RAB8A: variants seen among roughly 807,000 people sequenced by gnomAD.
RAB8A encodes ras-related protein Rab-8A.
Under a neutral mutation model 29.2 loss-of-function variants are expected in RAB8A, and 5 were observed. The ratio of observed to expected loss-of-function variants is 0.17; its 90% CI spans 0.09 to 0.36. RAB8A has a LOEUF of 0.36. Among genes scored for constraint, RAB8A ranks in the 10% least tolerant of loss-of-function variants. RAB8A has a pLI of 1.00. For missense variants in RAB8A, 171 were observed against 272.2 expected, an observed-to-expected ratio of 0.63 and a Z score of 2.62; for synonymous variants, 108 against 99.9, an observed-to-expected ratio of 1.08 and a Z score of -0.49.
chr19:16,114,635 A>T (rs1754245470), intron 1 of RAB8A, among the ~76,000 whole-genome samples: 1 of 140,574 alleles, frequency 7.1e-6, no homozygotes, highest in South Asian at 2.2e-4. Flanking sequence ...GTGACCGCCC[A>T]CCTTGGCCTC....
chr19:16,127,945 C>A lies in RAB8A; in HGVS notation c.415-81C>A. The A allele has an allele frequency of 6.8e-7, 1 of 1,467,658 alleles. No homozygotes were observed. The allele number at this position is 1,467,658 out of a possible 1,614,324, so 90.9% of individuals were successfully genotyped here. ...TTGCTGCTCCCTCTTGGCGCCGGCC[C>A]TGCCTTCAGCTCCTGTTTTAGGCAA... On this transcript the variant is annotated intron_variant, in intron 5 of 7. Coordinates refer to ENST00000300935, the MANE Select transcript of RAB8A (RefSeq NM_005370.5). The surrounding 1 kb of genome is among the most constrained non-coding windows in gnomAD (Gnocchi z 4.8).
intron 3 of RAB8A, chr19:16,124,219 T>C (rs1287767672): frequency 6.6e-6 from 1 of 151,894 alleles, no homozygotes; most frequent in Non-Finnish European, 1.5e-5. Context: ...TTCGCCATGG[T>C]TGCGGCTGAC....
chr19:16,125,008 C>CGTA lies in RAB8A; in HGVS notation c.247-462_247-461insGTA. 5.8e-5 allele frequency: 11 copies of CGTA among 189,412 alleles called. No individual in the cohort carries two copies. The highest frequency in any genetic ancestry group is 3.1e-4 in the South Asian group (3 of 9,768). The allele number at this position is 189,412 out of a possible 1,614,324, so 11.7% of individuals were successfully genotyped here. On this transcript the variant is annotated intron_variant, in intron 3 of 7. Coordinates refer to ENST00000300935, the MANE Select transcript of RAB8A (RefSeq NM_005370.5). This position sits in a 1 kb window ranked among gnomAD's most constrained non-coding sequence, Gnocchi z 5.0. ...GGATGTCGGGTCAGGACTTCCTGGG[C>CGTA]TCAGTTGTGCCTGGTAGGTGGCTCA...
chr19:16,129,826 G>A lies in RAB8A; in HGVS notation c.531+222G>A, dbSNP rs543282620. On this transcript the variant is annotated intron_variant, in intron 7 of 7. Coordinates refer to ENST00000300935, the MANE Select transcript of RAB8A (RefSeq NM_005370.5). ...TGCCCAAGCAGACAAGGCCGTGCCC[G>A]GTGAATCCCCAGGCTAGCAGGGAGC... Among the ~76,000 whole-genome samples, 10 of 152,268 alleles carry A rather than the reference G, an allele frequency of 6.6e-5. No homozygotes were observed. The East Asian group carries it at 9.6e-4, about 15-fold the overall frequency.
Position 16,117,015 on chromosome 19 carries a change from G to A in RAB8A, c.125-1211G>A, listed in dbSNP as rs1406599178. Among the ~76,000 whole-genome samples, 7 of 152,088 alleles carry A rather than the reference G, an allele frequency of 4.6e-5. No individual in the cohort carries two copies. The South Asian group carries it at 8.3e-4, about 18-fold the overall frequency. ...CCTATGCTGGACATGTCTGTTAATG[G>A]AATCTCACACTAAGTGACCTTTAGT... On this transcript the variant is annotated intron_variant, in intron 1 of 7. Coordinates refer to ENST00000300935, the MANE Select transcript of RAB8A (RefSeq NM_005370.5).
chr19:16,129,498 G>C, intron 6 of RAB8A, 56 bp from the exon 7 acceptor site: 1 of 1,562,276 alleles, frequency 6.4e-7, no homozygotes, highest in Non-Finnish European at 8.8e-7. Flanking sequence ...GTACACGGGC[G>C]GCTGAGGACT....
At chr19:16,114,105 AAAAAT>A (rs1402231682) in intron 1 of RAB8A, among the ~76,000 whole-genome samples, 3 of 152,086 alleles carry the variant, frequency 2.0e-5, no homozygotes, top group East Asian at 1.9e-4. Context: ...CATCTCTACA[AAAAAT>A]AAAATAAAAT....
chr19:16,116,973 C>T lies in RAB8A; in HGVS notation c.125-1253C>T, dbSNP rs1353981621. Among the ~76,000 whole-genome samples the T allele has an allele frequency of 6.6e-5, 10 of 151,734 alleles. No homozygotes were observed. In the South Asian group the frequency reaches 1.0e-3, roughly 16 times the overall value. ...CCCCAGACAACTGCTAATCAGCTTT[C>T]TGTTTCTATGAATGAGCCTATGCTG... On this transcript the variant is annotated intron_variant, in intron 1 of 7. Transcript: ENST00000300935.
At chr19:16,119,142 C>A (rs1405032293) in intron 2 of RAB8A, among the ~76,000 whole-genome samples, 1 of 152,230 alleles carries the variant, frequency 6.6e-6, no homozygotes, top group African/African-American at 2.4e-5. Flanking sequence ...CGGTCACCCC[C>A]ACTTGCCAGT....
Position 16,125,003 on chromosome 19 carries a change from CTG to C in RAB8A, c.247-466_247-465del. ...TGTGTGGATGTCGGGTCAGGACTTC[CTG>C]GGCTCAGTTGTGCCTGGTAGGTGGC... On this transcript the variant is annotated intron_variant, in intron 3 of 7. Coordinates refer to ENST00000300935, the MANE Select transcript of RAB8A (RefSeq NM_005370.5). This position sits in a 1 kb window ranked among gnomAD's most constrained non-coding sequence, Gnocchi z 5.0. 8 of 179,798 alleles carry C rather than the reference CTG, an allele frequency of 4.4e-5. No homozygotes were observed. The highest frequency in any genetic ancestry group is 2.5e-4 in the South Asian group (2 of 8,134). 11.1% of individuals were successfully genotyped at this position (179,798 alleles called of 1,614,324 possible).
intron 1 of RAB8A, among the ~76,000 whole-genome samples, chr19:16,117,546 G>T (rs1242939211): frequency 1.3e-5 from 2 of 152,118 alleles, no homozygotes; most frequent in Non-Finnish European, 2.9e-5. Context: ...CATGGTTAGG[G>T]TTATATTTTT....
rs1414828073 is a variant in RAB8A at position 16,132,782 on chromosome 19, C to G, written c.*478C>G. On this transcript the variant is annotated 3_prime_UTR_variant, in exon 8 of 8. Coordinates refer to ENST00000300935, the MANE Select transcript of RAB8A (RefSeq NM_005370.5). This position sits in a 1 kb window ranked among gnomAD's most constrained non-coding sequence, Gnocchi z 5.6. ...GAGCAAGGCAACCGATCGCCAGGAC[C>G]AGGAAGCATCACCCAGGAGATTTGG... The G allele has an allele frequency of 6.3e-6, 1 of 158,740 alleles. No individual in the cohort carries two copies. Among genetic ancestry groups the G allele is most frequent in the African/African-American group, 2.4e-5 (1 of 41,518 alleles). 9.8% of individuals were successfully genotyped at this position (158,740 alleles called of 1,614,324 possible).
chr19:16,118,028 C>T (rs2090854530), intron 1 of RAB8A, among the ~76,000 whole-genome samples, 198 bp from the exon 2 acceptor site: 1 of 152,144 alleles, frequency 6.6e-6, no homozygotes, highest in Admixed American at 6.5e-5. Context: ...CTCTGCACTG[C>T]TCCCATCAGC....
intron 1 of RAB8A, among the ~76,000 whole-genome samples, chr19:16,113,559 G>A (rs1001867322): frequency 4.6e-5 from 7 of 151,976 alleles, no homozygotes; most frequent in East Asian, 3.9e-4. Context: ...CCGCCACCAC[G>A]TCCAGCTAAT....
chr19:16,118,024 A>C (rs528459496), intron 1 of RAB8A, among the ~76,000 whole-genome samples: 1 of 152,230 alleles, frequency 6.6e-6, no homozygotes, highest in South Asian at 2.1e-4. Context: ...TTTGCTCTGC[A>C]CTGCTCCCAT....
rs1340867807 is a variant in RAB8A, at chr19:16,115,146, TACGTGGTGGCGCTTGCCTGTATTCC to T, written c.125-3079_125-3055del. On this transcript the variant is annotated intron_variant, in intron 1 of 7. Coordinates refer to ENST00000300935, the MANE Select transcript of RAB8A (RefSeq NM_005370.5). Reference sequence around the variant, plus strand: ...TAAAGGTGATTCCATAAATTAGCCATACGTGGTGGCGCTTGCCTGTATTCCCAGCTACTCAGGAGGCTGAGGCAGG... The same window carrying T: ...TAAAGGTGATTCCATAAATTAGCCATCAGCTACTCAGGAGGCTGAGGCAGG... Among the ~76,000 whole-genome samples, 491 of 152,186 alleles carry T rather than the reference TACGTGGTGGCGCTTGCCTGTATTCC, an allele frequency of 3.2e-3. 3 individuals carry two copies. The highest frequency in any genetic ancestry group is 0.011 in the African/African-American group (475 of 41,526).
At position 16,127,670 on chromosome 19, in the gene RAB8A, C is replaced by A; in HGVS notation, c.414+144C>A. 1 of 666,650 alleles carries A rather than the reference C, an allele frequency of 1.5e-6. No individual in the cohort carries two copies. The highest frequency in any genetic ancestry group is 2.5e-6 in the Non-Finnish European group (1 of 401,778). 41.3% of individuals were successfully genotyped at this position (666,650 alleles called of 1,614,324 possible). A position where few individuals can be genotyped will look rare whatever the true frequency, so the allele number is the denominator to read the frequency against. On this transcript the variant is annotated intron_variant, in intron 5 of 7. Transcript: ENST00000300935. The surrounding 1 kb of genome is among the most constrained non-coding windows in gnomAD (Gnocchi z 4.8). ...CACGTGCCATGGGATGACAGAAGCA[C>A]ACACCCAGCCGGGGCTTCTTGGGTG...
intron 7 of RAB8A, among the ~76,000 whole-genome samples, chr19:16,131,924 G>A (rs2090926465): frequency 6.7e-6 from 1 of 148,526 alleles, no homozygotes; most frequent in East Asian, 2.0e-4. Flanking sequence ...ACAGCTGGAC[G>A]GACTGGCAGA....
At chr19:16,129,510 AG>A (rs1568322291) in intron 6 of RAB8A, 43 bp from the exon 7 acceptor site, 3 of 1,599,146 alleles carry the variant, frequency 1.9e-6, no homozygotes, top group Admixed American at 1.7e-5. Flanking sequence ...CTGAGGACTC[AG>A]GGTCCTGCCA....
Sources: allele counts gnomAD v4.1 joint callset (sites outside exome capture counted in the v4.1 genomes callset), GRCh38; gene constraint gnomAD v4.1.1; non-coding constraint Gnocchi (gnomAD v3.1); transcripts MANE v1.5; gene names NCBI Gene and HGNC (gene_info 2026-07-23, HGNC 2026-07-21).